Variants in MRTFA observed in about 807,000 individuals in gnomAD.
MRTFA encodes myocardin-related transcription factor A.
MRTFA carries 20 observed loss-of-function variants against 83.5 expected under a neutral mutation model. The ratio of observed to expected loss-of-function variants is 0.24; its 90% confidence interval spans 0.17 to 0.35. MRTFA has a LOEUF of 0.35. MRTFA is among the 10% of genes least tolerant of loss of function. The probability of loss-of-function intolerance (pLI) is 1.00; values close to 1 mark genes in which losing one functional copy is unlikely to be tolerated. For missense variants in MRTFA, 1,200 were observed against 1,224.7 expected, an observed-to-expected ratio of 0.98 and a Z score of 0.30; for synonymous variants, 659 against 541.2, an observed-to-expected ratio of 1.22 and a Z score of -3.02.
chr22:40,531,637 T>C (rs2055084426), intron 3 of MRTFA, among the ~76,000 whole-genome samples: 1 of 152,180 alleles, frequency 6.6e-6, no homozygotes, highest in South Asian at 2.1e-4. Context: ...TAAAATATTC[T>C]ATTGCTAGAA....
chr22:40,457,643 T>C (rs1282516028), intron 4 of MRTFA, among the ~76,000 whole-genome samples: 1 of 152,102 alleles, frequency 6.6e-6, no homozygotes, highest in African/African-American at 2.4e-5. Flanking sequence ...AAACAAGCTC[T>C]GTCAAGAAGA....
At chr22:40,468,830 CTG>C (rs1466757355) in intron 3 of MRTFA, among the ~76,000 whole-genome samples, 2 of 152,164 alleles carry the variant, frequency 1.3e-5, no homozygotes, top group Non-Finnish European at 2.9e-5. Context: ...ACTCTGGAGG[CTG>C]TCATACTTCA....
At chr22:40,508,974 T>C (rs1212548725) in intron 3 of MRTFA, among the ~76,000 whole-genome samples, 2 of 152,200 alleles carry the variant, frequency 1.3e-5, no homozygotes, top group Admixed American at 1.3e-4. Flanking sequence ...AGAAAATACA[T>C]TGCACAGAAA....
In MRTFA at chr22:40,419,063, C is replaced by T. The variant is rs1307034011; in HGVS notation, c.1675G>A (p.Glu559Lys). The T allele has an allele frequency of 1.2e-6, 2 of 1,609,814 alleles. No homozygotes were observed. The change falls in exon 12 of 15, where the codon GAG (glutamate) becomes AAG (lysine). Residue 559 changes from glutamate to lysine, a missense_variant. Coordinates refer to ENST00000355630, the MANE Select transcript of MRTFA (RefSeq NM_020831.6). ...TCGCCCGTGCTGAGCAGTGAGCGCT[C>T]CGAGGGGGTGGGAGACACGGGGGGC...
intron 3 of MRTFA, among the ~76,000 whole-genome samples, chr22:40,487,664 T>C (rs146957348): frequency 6.6e-6 from 1 of 152,330 alleles, no homozygotes; most frequent in Non-Finnish European, 1.5e-5. Context: ...CAACATACAC[T>C]GAATCTAATC....
At chr22:40,610,821 G>GT (rs2147412936) in intron 1 of MRTFA, among the ~76,000 whole-genome samples, 1 of 144,508 alleles carries the variant, frequency 6.9e-6, no homozygotes, top group South Asian at 2.2e-4. Flanking sequence ...GGAAAAATAA[G>GT]TAAAAAAAAA....
At chr22:40,543,779 T>C (rs545043689) in intron 3 of MRTFA, among the ~76,000 whole-genome samples, 1 of 152,324 alleles carries the variant, frequency 6.6e-6, no homozygotes, top group African/African-American at 2.4e-5. Context: ...ATTATAAAAA[T>C]ATCAGTTCTT....
chr22:40,518,070 T>C (rs746271807), intron 3 of MRTFA, among the ~76,000 whole-genome samples: 8 of 152,158 alleles, frequency 5.3e-5, no homozygotes, highest in Non-Finnish European at 8.8e-5. Context: ...AACCCCCTCA[T>C]AGCTCACCCT....
At chr22:40,494,425 T>C (rs1325136576) in intron 3 of MRTFA, among the ~76,000 whole-genome samples, 2 of 152,146 alleles carry the variant, frequency 1.3e-5, no homozygotes, top group African/African-American at 4.8e-5. Context: ...ATGCCTGTAA[T>C]CCCAACAGTT....
intron 3 of MRTFA, among the ~76,000 whole-genome samples, chr22:40,505,577 G>A (rs1232634981): frequency 6.6e-6 from 1 of 152,232 alleles, no homozygotes; most frequent in Non-Finnish European, 1.5e-5. Context: ...AAATTCAGGA[G>A]TTGTCAACGT....
chr22:40,518,821 A>AAAC (rs2054808318), intron 3 of MRTFA, among the ~76,000 whole-genome samples: 1 of 144,018 alleles, frequency 6.9e-6, no homozygotes, highest in Non-Finnish European at 1.5e-5. Context: ...AAAAAAAAAA[A>AAAC]CCAGTGTCTG....
At chr22:40,538,466 A>G (rs2055228086) in intron 3 of MRTFA, among the ~76,000 whole-genome samples, 1 of 150,740 alleles carries the variant, frequency 6.6e-6, no homozygotes, top group African/African-American at 2.4e-5. Flanking sequence ...GGAAAACCAG[A>G]GACCTTTGTT....
intron 3 of MRTFA, among the ~76,000 whole-genome samples, chr22:40,494,768 A>G (rs2054324185): frequency 6.6e-6 from 1 of 152,184 alleles, no homozygotes; most frequent in Non-Finnish European, 1.5e-5. Context: ...GTTACAGGAA[A>G]CAACACTGAT....
chr22:40,497,474 A>T (rs1419996500), intron 3 of MRTFA, among the ~76,000 whole-genome samples: 1 of 152,190 alleles, frequency 6.6e-6, no homozygotes, highest in Admixed American at 6.5e-5. Flanking sequence ...CAGAAATCAT[A>T]TGGGTCAGGC....
At chr22:40,412,119 G>A in intron 14 of MRTFA, 1 of 407,184 alleles carries the variant, frequency 2.5e-6, no homozygotes, top group Admixed American at 4.5e-5. Context: ...GGAATACACA[G>A]AGAACTTCTA....
intron 2 of MRTFA, among the ~76,000 whole-genome samples, chr22:40,584,636 C>T (rs1308556053): frequency 2.0e-5 from 3 of 149,948 alleles, no homozygotes; most frequent in East Asian, 2.0e-4. Context: ...CTCGGGAGAC[C>T]GTAGCAGGAG....
intron 2 of MRTFA, among the ~76,000 whole-genome samples, chr22:40,590,634 T>C (rs1003978843): frequency 2.7e-5 from 4 of 147,020 alleles, no homozygotes; most frequent in South Asian, 2.1e-4. Flanking sequence ...GATCACACCA[T>C]TGCACTCCAG....
At chr22:40,562,033 G>C (rs1025184991) in intron 2 of MRTFA, among the ~76,000 whole-genome samples, 2 of 151,982 alleles carry the variant, frequency 1.3e-5, no homozygotes, top group African/African-American at 4.8e-5. Context: ...TAGCTAACAA[G>C]GTAAAACCTC....
rs577196619 is a variant in MRTFA, at chr22:40,417,628, A to G, written c.2365-135T>C. 94 of 655,734 alleles carry G rather than the reference A, an allele frequency of 1.4e-4. 2 individuals are homozygous for G. In the South Asian group the frequency reaches 1.8e-3, roughly 12 times the overall value. 40.6% of individuals were successfully genotyped at this position (655,734 alleles called of 1,614,324 possible). On this transcript the variant is annotated intron_variant, in intron 12 of 14. Transcript: ENST00000355630. The stretch of plus-strand genomic sequence containing the variant: ...GGGAAGATGGGAGGCACTGGCTTTT[A>G]GGGAGCTTTCATGAAAGCCACTAGG...
Sources: allele counts gnomAD v4.1 joint callset (sites outside exome capture counted in the v4.1 genomes callset), GRCh38; gene constraint gnomAD v4.1.1; transcripts MANE v1.5; gene names NCBI Gene and HGNC (gene_info 2026-07-23, HGNC 2026-07-21).